Variants in BBS9 observed in about 807,000 individuals in gnomAD.
BBS9 encodes the protein protein PTHB1.
Under a neutral mutation model 117.7 loss-of-function variants are expected in BBS9, and 89 were observed. That is an observed-to-expected ratio of 0.76 (90% CI 0.64 to 0.90). BBS9 has a LOEUF of 0.90. Ranked by LOEUF, BBS9 falls within the 40% of genes least tolerant of loss-of-function variation. The pLI is 0.00. For missense variants in BBS9, 982 were observed against 1,042.2 expected, an observed-to-expected ratio of 0.94 and a Z score of 0.80; for synonymous variants, 379 against 370.9, an observed-to-expected ratio of 1.02 and a Z score of -0.25.
intron 19 of BBS9, among the ~76,000 whole-genome samples, chr7:33,484,433 A>G (rs1384991574): frequency 1.3e-5 from 2 of 152,190 alleles, no homozygotes; most frequent in Admixed American, 1.3e-4. Context: ...AACAGAACAC[A>G]TACTTATTTT....
At chr7:33,592,860 T>G (rs1270205863) in intron 21 of BBS9, among the ~76,000 whole-genome samples, 1 of 152,148 alleles carries the variant, frequency 6.6e-6, no homozygotes, top group Non-Finnish European at 1.5e-5. Flanking sequence ...TCTCTTATTA[T>G]GTGGTGTCCA....
chr7:33,518,991 T>C (rs1848217791), intron 20 of BBS9, among the ~76,000 whole-genome samples: 2 of 151,982 alleles, frequency 1.3e-5, no homozygotes, highest in African/African-American at 4.8e-5. Flanking sequence ...TTCATATCCA[T>C]TGGCGGTCTT....
intron 19 of BBS9, among the ~76,000 whole-genome samples, chr7:33,400,510 G>A (rs1001442735): frequency 3.3e-5 from 5 of 151,972 alleles, no homozygotes; most frequent in East Asian, 1.9e-4. Flanking sequence ...GTGAATTAGC[G>A]ATTATTACAA....
At chr7:33,177,629 G>T in intron 5 of BBS9, 38 bp downstream of exon 5, 1 of 1,343,490 alleles carries the variant, frequency 7.4e-7, no homozygotes, top group South Asian at 1.2e-5. Context: ...TATTTCAAGT[G>T]ACAGATTTAG....
rs201895097 is a variant in BBS9 at position 33,543,256 on chromosome 7, C to CT, written c.2521+9088dup. On this transcript the variant is annotated intron_variant, in intron 21 of 22. Coordinates refer to ENST00000242067, the MANE Select transcript of BBS9 (RefSeq NM_198428.3). ...ATAGGTTTGTTGGCCATTTGTATAT[C>CT]TTTTTTTTGAGAATTGTCTATTCAT... Among the ~76,000 whole-genome samples the CT allele has an allele frequency of 6.7e-3, 998 of 148,828 alleles. 11 individuals are homozygous for CT. Among genetic ancestry groups the CT allele is most frequent in the African/African-American group, 0.023 (946 of 40,838 alleles).
intron 15 of BBS9, among the ~76,000 whole-genome samples, chr7:33,353,146 T>C (rs554109916): frequency 6.6e-6 from 1 of 152,192 alleles, no homozygotes; most frequent in African/African-American, 2.4e-5. Flanking sequence ...AAAGGTGTTA[T>C]TGACAACTTA....
chr7:33,184,742 A>G (rs923894620), intron 5 of BBS9, among the ~76,000 whole-genome samples: 1 of 152,176 alleles, frequency 6.6e-6, no homozygotes, highest in African/African-American at 2.4e-5. Context: ...GTCCTGATCT[A>G]GACCCCCAGA....
At chr7:33,335,679 TAAGAGAGAAGG>T (rs1199242981) in intron 9 of BBS9, among the ~76,000 whole-genome samples, 1 of 151,964 alleles carries the variant, frequency 6.6e-6, no homozygotes, top group Admixed American at 6.6e-5. Flanking sequence ...TCAGGGAGCC[TAAGAGAGAAGG>T]AAGAGTGAAA....
chr7:33,366,529 T>C (rs990090214), intron 16 of BBS9, among the ~76,000 whole-genome samples: 1 of 148,054 alleles, frequency 6.8e-6, no homozygotes, highest in Non-Finnish European at 1.5e-5. Context: ...TTTCTTTTTT[T>C]TTTTCTTTTC....
chr7:33,254,102 G>T (rs1190787992), intron 5 of BBS9, among the ~76,000 whole-genome samples: 23 of 152,092 alleles, frequency 1.5e-4, no homozygotes, highest in Non-Finnish European at 2.9e-5. Context: ...TGCTAACTGA[G>T]CCCAGACAGA....
At chr7:33,398,761 C>G (rs982193427) in intron 19 of BBS9, among the ~76,000 whole-genome samples, 7 of 152,104 alleles carry the variant, frequency 4.6e-5, no homozygotes, top group Non-Finnish European at 8.8e-5. Flanking sequence ...TTTTTTGAGA[C>G]AGAGTCTCGC....
chr7:33,510,605 G>A lies in BBS9; in HGVS notation c.2298+4960G>A, dbSNP rs368179331. 2.6e-5 allele frequency among the ~76,000 whole-genome samples: 4 copies of A among 152,046 alleles called. No homozygotes were observed. In the East Asian group the frequency reaches 7.7e-4, roughly 29 times the overall value. Reference sequence around the variant, plus strand: ...AACAGACTTAGAGCCAATCCTTTGTGGATTTACTTTAACATTGCAAGCAAA... The same window carrying A: ...AACAGACTTAGAGCCAATCCTTTGTAGATTTACTTTAACATTGCAAGCAAA... On this transcript the variant is annotated intron_variant, in intron 20 of 22. Transcript: ENST00000242067.
chr7:33,446,281 C>T (rs1201018233), intron 19 of BBS9, among the ~76,000 whole-genome samples: 1 of 152,160 alleles, frequency 6.6e-6, no homozygotes, highest in Non-Finnish European at 1.5e-5. Flanking sequence ...CCAAAAGTTC[C>T]TGTGCTTCTA....
intron 7 of BBS9, among the ~76,000 whole-genome samples, chr7:33,267,580 A>G (rs1325356780): frequency 6.6e-6 from 1 of 152,036 alleles, no homozygotes; most frequent in Non-Finnish European, 1.5e-5. Context: ...GACTTAACAC[A>G]GTCTACCTTC....
chr7:33,162,682 A>T (rs980244040), intron 4 of BBS9, among the ~76,000 whole-genome samples: 1 of 152,104 alleles, frequency 6.6e-6, no homozygotes, highest in Non-Finnish European at 1.5e-5. Flanking sequence ...TTGATTTTGT[A>T]TACTGAGACT....
chr7:33,152,522 T>C (rs1793496706), intron 2 of BBS9, among the ~76,000 whole-genome samples, 179 bp from the exon 3 acceptor site: 1 of 152,242 alleles, frequency 6.6e-6, no homozygotes, highest in Non-Finnish European at 1.5e-5. Context: ...AAGCTGTGTG[T>C]TATTAAAATA....
At chr7:33,228,323 A>G (rs1791689328) in intron 5 of BBS9, among the ~76,000 whole-genome samples, 1 of 152,112 alleles carries the variant, frequency 6.6e-6, no homozygotes, top group Non-Finnish European at 1.5e-5. Context: ...ATCCTTCAAT[A>G]TTTATTTAGT....
chr7:33,449,431 A>T (rs1837457572), intron 19 of BBS9, among the ~76,000 whole-genome samples: 1 of 152,164 alleles, frequency 6.6e-6, no homozygotes, highest in Non-Finnish European at 1.5e-5. Context: ...TTCACCAATA[A>T]ATAGCTAAGT....
intron 2 of BBS9, among the ~76,000 whole-genome samples, chr7:33,152,419 G>C (rs142575399): frequency 6.6e-6 from 1 of 152,056 alleles, no homozygotes; most frequent in Non-Finnish European, 1.5e-5. Context: ...TGCTTTGATT[G>C]AGTTAAATTA....
Sources: gnomAD v4.1 joint callset for allele counts (sites outside exome capture counted in the v4.1 genomes callset) on GRCh38, gnomAD v4.1.1 for gene constraint, MANE v1.5 for transcripts, NCBI Gene and HGNC (gene_info 2026-07-23, HGNC 2026-07-21) for gene names.